The following MYPN variants were observed in gnomAD, a reference collection of about 807,000 sequenced individuals.
The protein encoded by MYPN is sarcomeric protein myopalladin, 145 kDa (MYOP).
MYPN carries 63 observed loss-of-function variants against 129.4 expected under a neutral mutation model. The observed-to-expected ratio is 0.49, with a 90% confidence interval of 0.40 to 0.60. The LOEUF is 0.60. Among genes scored for constraint, MYPN ranks in the 20% least tolerant of loss-of-function variants. The pLI, the probability that MYPN is intolerant of heterozygous loss-of-function variation, is 0.00. For synonymous variants in MYPN, 629 were observed against 600.9 expected (o/e 1.05, Z -0.68); for missense variants, 1,596 against 1,635.4 (o/e 0.98, Z 0.42).
In MYPN at chr10:68,196,483, C is replaced by CTTTTTTTTT. The variant is rs71009021; in HGVS notation, c.3159-860_3159-852dup. Among the ~76,000 whole-genome samples the CTTTTTTTTT allele has an allele frequency of 7.9e-3, 890 of 112,428 alleles. 33 individuals are homozygous for CTTTTTTTTT. The highest frequency in any genetic ancestry group is 0.016 in the Middle Eastern group (3 of 192). The allele number at this position is 112,428 out of a possible 152,430, so 73.8% of individuals were successfully genotyped here. On this transcript the variant is annotated intron_variant, in intron 15 of 19. Transcript: ENST00000358913. ...ACCGTTGCAACTATACCTTCTTCTT[C>CTTTTTTTTT]TTTTTTTTTTTTTTTTTGAGATGGG... is the stretch of plus-strand genomic sequence containing the variant.
At chr10:68,196,317 AAG>A (rs1218976121) in intron 15 of MYPN, among the ~76,000 whole-genome samples, 20 of 152,304 alleles carry the variant, frequency 1.3e-4, no homozygotes, top group Admixed American at 1.2e-3. Flanking sequence ...ACTAAGAAGA[AAG>A]AGCCTGGCTT....
intron 1 of MYPN, among the ~76,000 whole-genome samples, chr10:68,120,783 A>T (rs927745506): frequency 4.6e-5 from 7 of 152,232 alleles, no homozygotes; most frequent in African/African-American, 1.7e-4. Context: ...TATAACTAAA[A>T]GACCATTATC....
chr10:68,142,474 G>A (rs1243048785), intron 2 of MYPN, among the ~76,000 whole-genome samples: 3 of 152,158 alleles, frequency 2.0e-5, no homozygotes, highest in Non-Finnish European at 4.4e-5. Context: ...GATGGCTCAA[G>A]TAACAGAACA....
At chr10:68,100,059 T>C (rs2133944046) in intron 1 of MYPN, among the ~76,000 whole-genome samples, 1 of 152,298 alleles carries the variant, frequency 6.6e-6, no homozygotes, top group South Asian at 2.1e-4. Context: ...TGATATAGTA[T>C]ACCTTGGAAA....
intron 2 of MYPN, among the ~76,000 whole-genome samples, chr10:68,134,281 T>C (rs2042452803): frequency 6.6e-6 from 1 of 152,054 alleles, no homozygotes; most frequent in Non-Finnish European, 1.5e-5. Context: ...ACATTCTAGA[T>C]GAGGTGAAGG....
In MYPN at chr10:68,210,923, G is replaced by A. The variant is rs771804637; in HGVS notation, c.*468G>A. The A allele has an allele frequency of 2.2e-6, 1 of 454,602 alleles. No homozygotes were observed. The highest frequency in any genetic ancestry group is 2.0e-5 in the African/African-American group (1 of 50,024). The allele number at this position is 454,602 out of a possible 1,614,324, so 28.2% of individuals were successfully genotyped here. A position where few individuals can be genotyped will look rare whatever the true frequency, so the allele number is the denominator to read the frequency against. On this transcript the variant is annotated 3_prime_UTR_variant, in exon 20 of 20. Transcript: ENST00000358913. ...CCTTTCATCGATTACATGTATAGCA[G>A]TAGTTTTGGTGAATTCACCAAATCA...
At chr10:68,099,893 C>T (rs962820628) in intron 1 of MYPN, among the ~76,000 whole-genome samples, 3 of 152,150 alleles carry the variant, frequency 2.0e-5, no homozygotes, top group African/African-American at 4.8e-5. Flanking sequence ...GAATGCATTA[C>T]TAATGAGTGT....
intron 1 of MYPN, among the ~76,000 whole-genome samples, chr10:68,115,064 GC>G (rs979104531): frequency 3.3e-5 from 5 of 151,882 alleles, no homozygotes; most frequent in Non-Finnish European, 5.9e-5. Flanking sequence ...TTTGAAACCA[GC>G]CTGGATAACT....
chr10:68,129,704 G>T (rs1016935225), intron 2 of MYPN, among the ~76,000 whole-genome samples: 1 of 152,176 alleles, frequency 6.6e-6, no homozygotes, highest in East Asian at 1.9e-4. Flanking sequence ...TAAGAGTTTT[G>T]GTTGTTCTAC....
chr10:68,180,776 C>A (rs1440917863), intron 12 of MYPN, among the ~76,000 whole-genome samples: 1 of 152,094 alleles, frequency 6.6e-6, no homozygotes, highest in African/African-American at 2.4e-5. Flanking sequence ...AATTAGGATG[C>A]ATCATTACAT....
At position 68,194,333 on chromosome 10, in the gene MYPN, A is replaced by G. The variant is rs71584497; in HGVS notation, c.2926-30A>G. 28,157 of 1,610,418 alleles carry G rather than the reference A, an allele frequency of 0.017. 319 individuals are homozygous for G. Among genetic ancestry groups the G allele is most frequent in the Middle Eastern group, 0.042 (253 of 6,046 alleles). On this transcript the variant is annotated intron_variant, in intron 13 of 19. Coordinates refer to ENST00000358913, the MANE Select transcript of MYPN (RefSeq NM_032578.4). ...ATTAACCTCTAAAGATAAACAAAAC[A>G]GTGTACATCTTGATAATTTTTCATT...
intron 4 of MYPN, 31 bp from the exon 5 acceptor site, chr10:68,148,322 T>G: frequency 6.5e-7 from 1 of 1,529,304 alleles, no homozygotes; most frequent in Non-Finnish European, 9.1e-7. Context: ...GATAGGTCTA[T>G]TTTATAATCT....
chr10:68,206,891 C>T lies in MYPN; in HGVS notation c.3781C>T (p.Leu1261=). The T allele has an allele frequency of 6.2e-7, 1 of 1,614,176 alleles. No individual in the cohort carries two copies. Among genetic ancestry groups the T allele is most frequent in the Non-Finnish European group, 8.5e-7 (1 of 1,180,042 alleles). ...CGGCATCGTGTCGTGCACTGCCAGG[C>T]TGGATATATACGGTAAGTGTAATGC... The part of the protein sequence containing the change: ...EAGIVSCTAR[L]DIYAQWHHQI... The change falls in exon 19 of 20, where the codon CTG becomes TTG. Residue 1261 remains leucine (L), a synonymous_variant. Coordinates refer to ENST00000358913, the MANE Select transcript of MYPN (RefSeq NM_032578.4).
chr10:68,188,303 C>A (rs10998001), intron 12 of MYPN, among the ~76,000 whole-genome samples: 1 of 151,708 alleles, frequency 6.6e-6, no homozygotes, highest in Non-Finnish European at 1.5e-5. Context: ...AGAGACAGAG[C>A]TTTTCTGTGT....
At chr10:68,190,483 G>A (rs1201080852) in intron 13 of MYPN, among the ~76,000 whole-genome samples, 2 of 152,154 alleles carry the variant, frequency 1.3e-5, no homozygotes, top group African/African-American at 4.8e-5. Context: ...GAGCCACCAC[G>A]CCCAGCCTAT....
At chr10:68,146,280 A>G (rs1273338710) in intron 4 of MYPN, among the ~76,000 whole-genome samples, 1 of 152,064 alleles carries the variant, frequency 6.6e-6, no homozygotes, top group African/African-American at 2.4e-5. Context: ...TGTTCAAGCT[A>G]TTCACTTTGC....
In MYPN at chr10:68,210,746, C is replaced by T; in HGVS notation, c.*291C>T. 1 of 517,480 alleles carries T rather than the reference C, an allele frequency of 1.9e-6. No homozygotes were observed. The highest frequency in any genetic ancestry group is 3.7e-6 in the Non-Finnish European group (1 of 268,084). The allele number at this position is 517,480 out of a possible 1,614,324, so 32.1% of individuals were successfully genotyped here. On this transcript the variant is annotated 3_prime_UTR_variant, in exon 20 of 20. Coordinates refer to ENST00000358913, the MANE Select transcript of MYPN (RefSeq NM_032578.4). ...GCTTTGGGAAAAAACTAGCATGCTC[C>T]CCTGCTCCCTGTTGTGTTAGGGATG... is the stretch of plus-strand genomic sequence containing the variant.
At chr10:68,209,007 T>A (rs1564703790) in intron 19 of MYPN, among the ~76,000 whole-genome samples, 1 of 152,144 alleles carries the variant, frequency 6.6e-6, no homozygotes, top group Non-Finnish European at 1.5e-5. Flanking sequence ...TCCTCCAAAT[T>A]TTGATTTTTC....
chr10:68,162,793 C>A (rs765414169), intron 8 of MYPN, among the ~76,000 whole-genome samples: 1 of 152,134 alleles, frequency 6.6e-6, no homozygotes, highest in Non-Finnish European at 1.5e-5. Context: ...CCCATCTCTA[C>A]TAAATTTACA....
Sources: gnomAD v4.1 joint callset for allele counts (sites outside exome capture counted in the v4.1 genomes callset) on GRCh38, gnomAD v4.1.1 for gene constraint, MANE v1.5 for transcripts, NCBI Gene and HGNC (gene_info 2026-07-23, HGNC 2026-07-21) for gene names.